FNDC3B: variants seen among roughly 807,000 people sequenced by gnomAD.
FNDC3B encodes the protein fibronectin type III domain-containing protein 3B.
Under a neutral mutation model 151.5 loss-of-function variants are expected in FNDC3B, and 12 were observed. The ratio of observed to expected loss-of-function variants is 0.08; its 90% confidence interval spans 0.05 to 0.13. FNDC3B has a LOEUF of 0.13. Ranked by LOEUF, FNDC3B falls within the 10% of genes least tolerant of loss-of-function variation. The pLI, the probability that FNDC3B is intolerant of heterozygous loss-of-function variation, is 1.00. For synonymous variants in FNDC3B, 528 were observed against 549.0 expected (o/e 0.96, Z 0.54); for missense variants, 1,214 against 1,505.3 (o/e 0.81, Z 3.20).
At chr3:172,085,233 T>C (rs1303224305) in intron 1 of FNDC3B, among the ~76,000 whole-genome samples, 1 of 152,226 alleles carries the variant, frequency 6.6e-6, no homozygotes, top group African/African-American at 2.4e-5. Flanking sequence ...CGTTTGGTTT[T>C]GTAGAGTGTT....
intron 1 of FNDC3B, among the ~76,000 whole-genome samples, chr3:172,054,454 C>T (rs1287308565): frequency 3.9e-5 from 6 of 152,238 alleles, no homozygotes; most frequent in Non-Finnish European, 8.8e-5. Context: ...GGACAAGGCT[C>T]TGAAGAGCGG....
At chr3:172,319,471 C>A (rs1229224452) in intron 11 of FNDC3B, among the ~76,000 whole-genome samples, 2 of 152,194 alleles carry the variant, frequency 1.3e-5, no homozygotes, top group African/African-American at 4.8e-5. Flanking sequence ...TTCAGGCAGC[C>A]AAGCCTCCCC....
intron 3 of FNDC3B, among the ~76,000 whole-genome samples, chr3:172,208,956 G>A (rs1362090785): frequency 4.6e-5 from 7 of 152,112 alleles, no homozygotes; most frequent in Admixed American, 4.6e-4. Context: ...CCAGTGTCTG[G>A]ATGAGGGGAA....
intron 3 of FNDC3B, among the ~76,000 whole-genome samples, chr3:172,199,167 ATATTT>A (rs1229106545): frequency 4.7e-5 from 7 of 149,908 alleles, no homozygotes; most frequent in Middle Eastern, 7.1e-3. Context: ...GCTGTTTAGA[ATATTT>A]TATTTTATTT....
intron 3 of FNDC3B, among the ~76,000 whole-genome samples, chr3:172,165,091 G>A (rs955096086): frequency 1.3e-5 from 2 of 152,176 alleles, no homozygotes; most frequent in African/African-American, 4.8e-5. Flanking sequence ...ATGGCTCACT[G>A]CAGTTTCAAC....
At chr3:172,101,185 A>G (rs960557158) in intron 1 of FNDC3B, among the ~76,000 whole-genome samples, 4 of 152,216 alleles carry the variant, frequency 2.6e-5, no homozygotes, top group African/African-American at 9.6e-5. Context: ...TGTTTTGAAG[A>G]CAAATTCACC....
chr3:172,111,094 A>AG lies in FNDC3B; in HGVS notation c.-28-1358_-28-1357insG, dbSNP rs1484048707. Reference sequence around the variant, plus strand: ...AGCCTGGGCAACAGAGTGAGACTCCATTAAAAAAAAAAAAAAAAAAAAAGA... The same window carrying AG: ...AGCCTGGGCAACAGAGTGAGACTCCAGTTAAAAAAAAAAAAAAAAAAAAAGA... On this transcript the variant is annotated intron_variant, in intron 1 of 25. Transcript: ENST00000415807. 6.0e-4 allele frequency among the ~76,000 whole-genome samples: 84 copies of AG among 139,420 alleles called. 1 individual carries two copies. The highest frequency in any genetic ancestry group is 2.3e-3 in the African/African-American group (77 of 33,814). 91.5% of individuals were successfully genotyped at this position (139,420 alleles called of 152,430 possible).
At chr3:172,085,961 G>A (rs1346536864) in intron 1 of FNDC3B, among the ~76,000 whole-genome samples, 2 of 152,136 alleles carry the variant, frequency 1.3e-5, no homozygotes, top group Non-Finnish European at 2.9e-5. Context: ...TTTTCTGTTT[G>A]TAAAGGTGGC....
chr3:172,251,573 T>A (rs1560040816), intron 6 of FNDC3B, 32 bp downstream of exon 6: 1 of 1,565,820 alleles, frequency 6.4e-7, no homozygotes, highest in Non-Finnish European at 8.7e-7. Context: ...ATAGAGTGAA[T>A]TATCAAGACA....
chr3:172,141,232 A>G (rs1053415088), intron 3 of FNDC3B, among the ~76,000 whole-genome samples: 3 of 151,922 alleles, frequency 2.0e-5, no homozygotes, highest in Admixed American at 6.6e-5. Context: ...TCTCCCTTTC[A>G]TTGCTTATTT....
rs1576836163 is a variant in FNDC3B at position 172,247,403 on chromosome 3, A to G, written c.265-130A>G. ...TTGACTGGTTGAACTAGAGAACCAG[A>G]ATACAACATGCATTTGTTTTTTTCT... On this transcript the variant is annotated intron_variant, in intron 4 of 25. Coordinates refer to ENST00000415807, the MANE Select transcript of FNDC3B (RefSeq NM_022763.4). 5.2e-6 allele frequency: 5 copies of G among 964,048 alleles called. No individual in the cohort carries two copies. In the East Asian group the frequency reaches 1.3e-4, roughly 24 times the overall value. 59.7% of individuals were successfully genotyped at this position (964,048 alleles called of 1,614,324 possible).
chr3:172,172,636 T>C (rs1477600038), intron 3 of FNDC3B, among the ~76,000 whole-genome samples: 1 of 152,222 alleles, frequency 6.6e-6, no homozygotes, highest in African/African-American at 2.4e-5. Context: ...AGAACTTGCT[T>C]GCCTGGGGAA....
intron 25 of FNDC3B, among the ~76,000 whole-genome samples, chr3:172,384,745 G>T (rs564901754): frequency 6.6e-6 from 1 of 152,184 alleles, no homozygotes; most frequent in African/African-American, 2.4e-5. Flanking sequence ...AATCTATTCA[G>T]TAATTTAGAT....
intron 23 of FNDC3B, among the ~76,000 whole-genome samples, chr3:172,363,161 T>C (rs1012629631): frequency 6.6e-6 from 1 of 152,170 alleles, no homozygotes; most frequent in African/African-American, 2.4e-5. Context: ...GTAATAGCAT[T>C]ATATTAGTCA....
chr3:172,144,339 C>A (rs1227237753), intron 3 of FNDC3B, among the ~76,000 whole-genome samples: 2 of 152,194 alleles, frequency 1.3e-5, no homozygotes, highest in African/African-American at 2.4e-5. Context: ...TTGGGAGTCA[C>A]ATCTCAGTGT....
At chr3:172,375,837 A>C (rs757896101) in intron 23 of FNDC3B, among the ~76,000 whole-genome samples, 1 of 152,112 alleles carries the variant, frequency 6.6e-6, no homozygotes, top group South Asian at 2.1e-4. Context: ...CCTGGCTGCC[A>C]GTTCCCAAGT....
chr3:172,388,506 G>C (rs765293658), intron 25 of FNDC3B, among the ~76,000 whole-genome samples: 50 of 152,270 alleles, frequency 3.3e-4, no homozygotes, highest in Admixed American at 2.0e-4. Flanking sequence ...AAATTGGATT[G>C]AGTCAAGAGG....
intron 22 of FNDC3B, among the ~76,000 whole-genome samples, chr3:172,354,660 A>T (rs778645431): frequency 4.1e-4 from 62 of 152,098 alleles, no homozygotes; most frequent in Middle Eastern, 6.8e-3. Context: ...TAATTGCAGT[A>T]ATTATAGTGA....
chr3:172,350,967 G>A (rs1283822947), intron 21 of FNDC3B, among the ~76,000 whole-genome samples: 1 of 152,224 alleles, frequency 6.6e-6, no homozygotes, highest in African/African-American at 2.4e-5. Flanking sequence ...TAAGAAAGCT[G>A]CCAAATGTTT....
Sources: gnomAD v4.1 joint callset for allele counts (sites outside exome capture counted in the v4.1 genomes callset) on GRCh38, gnomAD v4.1.1 for gene constraint, MANE v1.5 for transcripts, NCBI Gene and HGNC (gene_info 2026-07-23, HGNC 2026-07-21) for gene names.